The following CTNNA2 variants were observed in gnomAD, a reference collection of about 807,000 sequenced individuals.
CTNNA2 encodes the protein catenin alpha-2.
Under a neutral mutation model 101.0 loss-of-function variants are expected in CTNNA2, and 42 were observed. That is an observed-to-expected ratio of 0.42 (90% CI 0.32 to 0.54). The LOEUF (loss-of-function observed/expected upper bound fraction) is 0.54, where lower values mean the gene tolerates loss of function less well. Ranked by LOEUF, CTNNA2 falls within the 20% of genes least tolerant of loss-of-function variation. The pLI, the probability that CTNNA2 is intolerant of heterozygous loss-of-function variation, is 0.14. For missense variants in CTNNA2, 871 were observed against 1,223.1 expected, an observed-to-expected ratio of 0.71 and a Z score of 4.29; for synonymous variants, 450 against 456.4, an observed-to-expected ratio of 0.99 and a Z score of 0.18.
At chr2:79,268,069 G>A (rs1382549754) in intron 2 of CTNNA2, among the ~76,000 whole-genome samples, 36 of 152,140 alleles carry the variant, frequency 2.4e-4, no homozygotes, top group Admixed American at 2.4e-3. Flanking sequence ...TGAGGGGAGA[G>A]CCAGTGATAT....
intron 2 of CTNNA2, among the ~76,000 whole-genome samples, chr2:79,301,539 G>C (rs1395965004): frequency 6.6e-6 from 1 of 152,148 alleles, no homozygotes; most frequent in African/African-American, 2.4e-5. Flanking sequence ...ATCCAGTGCT[G>C]TATGCTCCTA....
intron 4 of CTNNA2, among the ~76,000 whole-genome samples, chr2:79,401,096 C>G (rs886907679): frequency 2.6e-5 from 4 of 151,652 alleles, no homozygotes; most frequent in Non-Finnish European, 5.9e-5. Context: ...AAGGAGATCC[C>G]TAGGGCTAAT....
At chr2:80,079,828 T>TA (rs371009954) in intron 7 of CTNNA2, among the ~76,000 whole-genome samples, 9 of 120,084 alleles carry the variant, frequency 7.5e-5, no homozygotes, top group South Asian at 2.6e-4. Flanking sequence ...TAAAATAAAA[T>TA]AAATAAAATA....
chr2:79,713,172 A>G (rs1042668085), intron 2 of CTNNA2, among the ~76,000 whole-genome samples: 6 of 152,242 alleles, frequency 3.9e-5, no homozygotes, highest in Admixed American at 6.5e-5. Flanking sequence ...GGCAAAAATC[A>G]TTGAATAAAA....
intron 4 of CTNNA2, among the ~76,000 whole-genome samples, chr2:79,424,400 C>G (rs1006204440): frequency 6.6e-6 from 1 of 152,068 alleles, no homozygotes; most frequent in Non-Finnish European, 1.5e-5. Flanking sequence ...ATTGAACAGA[C>G]CAGTACATAG....
At chr2:80,101,631 C>CT (rs747263770) in intron 7 of CTNNA2, among the ~76,000 whole-genome samples, 6 of 152,162 alleles carry the variant, frequency 3.9e-5, no homozygotes, top group South Asian at 2.1e-4. Context: ...CCTTCATGTA[C>CT]AGAAATGTGT....
At chr2:79,325,327 G>A (rs560578097) in intron 3 of CTNNA2, among the ~76,000 whole-genome samples, 18 of 152,260 alleles carry the variant, frequency 1.2e-4, no homozygotes, top group East Asian at 1.9e-4. Flanking sequence ...TTCAAATTCC[G>A]CCTGCCTGAA....
chr2:79,561,264 G>A (rs1367995668), intron 1 of CTNNA2, among the ~76,000 whole-genome samples: 4 of 151,588 alleles, frequency 2.6e-5, no homozygotes, highest in Non-Finnish European at 5.9e-5. Context: ...ATTTCATTTC[G>A]TTTTATGGCT....
chr2:80,015,461 T>G (rs983905353), intron 7 of CTNNA2, among the ~76,000 whole-genome samples: 1 of 152,122 alleles, frequency 6.6e-6, no homozygotes, highest in East Asian at 1.9e-4. Flanking sequence ...CCTGAAGCGC[T>G]CTCTGATGGG....
At chr2:79,853,542 C>T (rs1443898173) in intron 3 of CTNNA2, among the ~76,000 whole-genome samples, 2 of 152,190 alleles carry the variant, frequency 1.3e-5, no homozygotes, top group Non-Finnish European at 2.9e-5. Context: ...GCAGGCCCCT[C>T]CTTCAAGGAA....
intron 9 of CTNNA2, among the ~76,000 whole-genome samples, chr2:80,472,833 G>A (rs1685416238): frequency 6.6e-6 from 1 of 152,032 alleles, no homozygotes; most frequent in Admixed American, 6.5e-5. Context: ...GAACAGGGAG[G>A]GTATCACTGG....
At chr2:79,406,572 G>A (rs1269658936) in intron 4 of CTNNA2, among the ~76,000 whole-genome samples, 1 of 151,950 alleles carries the variant, frequency 6.6e-6, no homozygotes, top group African/African-American at 2.4e-5. Flanking sequence ...AGCTGTCTTA[G>A]GGCAGCTGAA....
At chr2:79,738,802 A>G (rs1281447304) in intron 2 of CTNNA2, among the ~76,000 whole-genome samples, 1 of 152,228 alleles carries the variant, frequency 6.6e-6, no homozygotes, top group East Asian at 1.9e-4. Flanking sequence ...AAATGAATGG[A>G]AAGAGAAACG....
chr2:80,516,442 C>T (rs1186058933), intron 9 of CTNNA2, among the ~76,000 whole-genome samples: 1 of 152,152 alleles, frequency 6.6e-6, no homozygotes, highest in Non-Finnish European at 1.5e-5. Flanking sequence ...ACTTGTCTCA[C>T]CCTACACAGC....
chr2:80,134,013 G>A (rs1702556569), intron 7 of CTNNA2, among the ~76,000 whole-genome samples: 1 of 152,120 alleles, frequency 6.6e-6, no homozygotes, highest in African/African-American at 2.4e-5. Flanking sequence ...TGCACTCAGA[G>A]TACGTGACAA....
At chr2:79,563,161 G>GTGTATATATA (rs1280707294) in intron 1 of CTNNA2, among the ~76,000 whole-genome samples, 4 of 78,618 alleles carry the variant, frequency 5.1e-5, no homozygotes, top group South Asian at 5.0e-4. Flanking sequence ...ATAAAGATGT[G>GTGTATATATA]TATATATATA....
chr2:80,161,576 A>G (rs1038068140), intron 7 of CTNNA2, among the ~76,000 whole-genome samples: 4 of 152,190 alleles, frequency 2.6e-5, no homozygotes, highest in African/African-American at 9.7e-5. Context: ...TCTCCATTAC[A>G]TGTGTCTTTG....
intron 7 of CTNNA2, among the ~76,000 whole-genome samples, chr2:80,152,649 T>C (rs1392652486): frequency 6.6e-6 from 1 of 150,928 alleles, no homozygotes. Context: ...ACAAGAGAAA[T>C]CAAAGAGATG....
chr2:79,200,791 A>C (rs183562075), intron 2 of CTNNA2, among the ~76,000 whole-genome samples: 172 of 152,324 alleles, frequency 1.1e-3, no homozygotes, highest in Non-Finnish European at 1.7e-3. Flanking sequence ...TTACATTTGC[A>C]TTAAGCTAAT....
Sources: gnomAD v4.1 joint callset for allele counts (sites outside exome capture counted in the v4.1 genomes callset) on GRCh38, gnomAD v4.1.1 for gene constraint, MANE v1.5 for transcripts, NCBI Gene and HGNC (gene_info 2026-07-23, HGNC 2026-07-21) for gene names.